SGCZ: variants seen among roughly 807,000 people sequenced by gnomAD.
SGCZ encodes zeta-sarcoglycan.
A neutral mutation model predicts 41.3 loss-of-function variants in SGCZ; 40 were observed. That is an observed-to-expected ratio of 0.97 (90% CI 0.75 to 1.26). The LOEUF (loss-of-function observed/expected upper bound fraction) is 1.26, where lower values mean the gene tolerates loss of function less well. Ranked by LOEUF, SGCZ falls within the 50% of genes most tolerant of loss-of-function variation. The pLI is 0.00. For synonymous variants in SGCZ, 206 were observed against 137.5 expected, an observed-to-expected ratio of 1.50 and a Z score of -3.49; for missense variants, 552 against 369.8, an observed-to-expected ratio of 1.49 and a Z score of -4.04.
At chr8:14,234,548 A>C (rs1806687692) in intron 4 of SGCZ, among the ~76,000 whole-genome samples, 1 of 152,072 alleles carries the variant, frequency 6.6e-6, no homozygotes, top group African/African-American at 2.4e-5. Flanking sequence ...TGTTTTACTT[A>C]GAAAATGAAG....
At chr8:15,151,347 T>C (rs577680730) in intron 1 of SGCZ, among the ~76,000 whole-genome samples, 1 of 152,224 alleles carries the variant, frequency 6.6e-6, no homozygotes, top group African/African-American at 2.4e-5. Context: ...TATTTGTTGT[T>C]CAAGCCATTC....
chr8:14,717,549 A>T (rs949022053), intron 1 of SGCZ, among the ~76,000 whole-genome samples: 1 of 152,170 alleles, frequency 6.6e-6, no homozygotes, highest in Admixed American at 6.5e-5. Context: ...CTCTCTAGTG[A>T]TGAGAAAGTC....
At chr8:15,148,513 C>T (rs1271762180) in intron 1 of SGCZ, among the ~76,000 whole-genome samples, 2 of 152,158 alleles carry the variant, frequency 1.3e-5, no homozygotes, top group Admixed American at 6.5e-5. Flanking sequence ...CAGCCTTTTC[C>T]GGAGTCATAG....
At chr8:14,131,668 G>T (rs575340263) in intron 5 of SGCZ, among the ~76,000 whole-genome samples, 1 of 152,100 alleles carries the variant, frequency 6.6e-6, no homozygotes, top group African/African-American at 2.4e-5. Flanking sequence ...GCATATGCAC[G>T]TGTTTCATCA....
At chr8:14,752,169 GACTTT>G (rs1309934563) in intron 1 of SGCZ, among the ~76,000 whole-genome samples, 4 of 147,764 alleles carry the variant, frequency 2.7e-5, no homozygotes, top group African/African-American at 5.0e-5. Context: ...CCTTCCTCTG[GACTTT>G]ACATTTCCTT....
intron 1 of SGCZ, among the ~76,000 whole-genome samples, chr8:15,098,116 A>G (rs1295021181): frequency 6.6e-6 from 1 of 151,768 alleles, no homozygotes; most frequent in South Asian, 2.1e-4. Context: ...TGTAGAAGTA[A>G]CAGCCCCACA....
chr8:14,746,945 T>G (rs1236227199), intron 1 of SGCZ, among the ~76,000 whole-genome samples: 2 of 152,216 alleles, frequency 1.3e-5, no homozygotes, highest in Non-Finnish European at 2.9e-5. Context: ...ATGGAATGGG[T>G]TCAAAGATAT....
intron 1 of SGCZ, among the ~76,000 whole-genome samples, chr8:15,153,665 C>A (rs765961200): frequency 2.0e-5 from 3 of 152,042 alleles, no homozygotes; most frequent in East Asian, 1.9e-4. Context: ...ACTTTCCCCC[C>A]ACCCTCTCTC....
chr8:14,396,373 G>A (rs1435334934), intron 2 of SGCZ, among the ~76,000 whole-genome samples: 1 of 152,126 alleles, frequency 6.6e-6, no homozygotes, highest in Admixed American at 6.6e-5. Context: ...GGAAAAGGGA[G>A]TGATAACTGA....
At position 14,829,147 on chromosome 8, in the gene SGCZ, G is replaced by A. The variant is rs1221234617; in HGVS notation, c.40-274221C>T. Among the ~76,000 whole-genome samples, 6 of 124,356 alleles carry A rather than the reference G, an allele frequency of 4.8e-5. No individual in the cohort carries two copies. In the East Asian group the frequency reaches 1.2e-3, roughly 26 times the overall value. The allele number at this position is 124,356 out of a possible 152,430, so 81.6% of individuals were successfully genotyped here. A position where few individuals can be genotyped will look rare whatever the true frequency, so the allele number is the denominator to read the frequency against. Reference sequence around the variant, plus strand: ...ACAGATTATTTCCTCATCCAGGTATGAAGGTCAGTACCGATTATTTATTTT... The same window carrying A: ...ACAGATTATTTCCTCATCCAGGTATAAAGGTCAGTACCGATTATTTATTTT... On this transcript the variant is annotated intron_variant, in intron 1 of 7. Transcript: ENST00000382080.
chr8:14,578,919 C>T (rs141096580), intron 1 of SGCZ, among the ~76,000 whole-genome samples: 4 of 152,242 alleles, frequency 2.6e-5, no homozygotes, highest in Admixed American at 2.6e-4. Flanking sequence ...GTATGGATCA[C>T]TCTTTTCCTA....
intron 1 of SGCZ, among the ~76,000 whole-genome samples, chr8:15,019,708 A>G (rs1283050493): frequency 1.3e-5 from 2 of 151,648 alleles, no homozygotes; most frequent in East Asian, 1.9e-4. Flanking sequence ...GCCACAACTA[A>G]GTCATGTCCT....
chr8:14,508,168 A>T (rs890753887), intron 2 of SGCZ, among the ~76,000 whole-genome samples: 3 of 152,062 alleles, frequency 2.0e-5, no homozygotes, highest in Non-Finnish European at 4.4e-5. Flanking sequence ...TACCTAACAT[A>T]CTATGTAATT....
At chr8:14,510,770 GA>G (rs1266219501) in intron 2 of SGCZ, among the ~76,000 whole-genome samples, 1 of 151,904 alleles carries the variant, frequency 6.6e-6, no homozygotes, top group Non-Finnish European at 1.5e-5. Flanking sequence ...TTGCAGTTGT[GA>G]ATCGCATTTT....
chr8:14,890,342 C>A (rs998633938), intron 1 of SGCZ, among the ~76,000 whole-genome samples: 1 of 152,172 alleles, frequency 6.6e-6, no homozygotes, highest in African/African-American at 2.4e-5. Context: ...AAAAGTGTTA[C>A]TCTAGTGAAA....
At chr8:14,376,998 G>A (rs1585424038) in intron 2 of SGCZ, among the ~76,000 whole-genome samples, 1 of 152,040 alleles carries the variant, frequency 6.6e-6, no homozygotes, top group African/African-American at 2.4e-5. Flanking sequence ...GAGGTGAGAG[G>A]AACCCCTTTT....
intron 1 of SGCZ, among the ~76,000 whole-genome samples, chr8:14,981,613 A>G (rs1801663998): frequency 1.3e-5 from 2 of 152,160 alleles, no homozygotes; most frequent in African/African-American, 4.8e-5. Flanking sequence ...CTTAAATCCA[A>G]GTGGCTTTTT....
intron 1 of SGCZ, among the ~76,000 whole-genome samples, chr8:15,023,259 A>C (rs1259361876): frequency 6.6e-6 from 1 of 152,168 alleles, no homozygotes; most frequent in East Asian, 1.9e-4. Context: ...AAGATTGACT[A>C]TCATGGTGGC....
intron 4 of SGCZ, among the ~76,000 whole-genome samples, 179 bp downstream of exon 4, chr8:14,237,413 A>G (rs1585263573): frequency 6.6e-6 from 1 of 151,722 alleles, no homozygotes; most frequent in Admixed American, 6.6e-5. Flanking sequence ...CGATTGCTTG[A>G]CCTCGTGATC....
Sources: gnomAD v4.1 joint callset for allele counts (sites outside exome capture counted in the v4.1 genomes callset) on GRCh38, gnomAD v4.1.1 for gene constraint, MANE v1.5 for transcripts, NCBI Gene and HGNC (gene_info 2026-07-23, HGNC 2026-07-21) for gene names.